Variants in DESI2 observed in about 807,000 individuals in gnomAD.
The protein encoded by DESI2 is desumoylating isopeptidase 2.
In DESI2, 10 loss-of-function variants were observed where a neutral mutation model predicts 24.1. That is an observed-to-expected ratio of 0.41 (90% CI 0.26 to 0.70). DESI2 has a LOEUF of 0.70. Ranked by LOEUF, DESI2 falls within the 30% of genes least tolerant of loss-of-function variation. DESI2 has a pLI of 0.29. For synonymous variants in DESI2, 71 were observed against 87.7 expected (o/e 0.81, Z 1.06); for missense variants, 122 against 234.9 (o/e 0.52, Z 3.14).
intron 1 of DESI2, 46 bp downstream of exon 1, chr1:244,653,401 T>C: frequency 6.5e-7 from 1 of 1,530,818 alleles, no homozygotes; most frequent in Non-Finnish European, 8.7e-7. Context: ...CAGGCCGGCT[T>C]CCTCTCGCCC....
intron 1 of DESI2, among the ~76,000 whole-genome samples, chr1:244,662,859 G>C (rs1262004663): frequency 6.6e-6 from 1 of 152,168 alleles, no homozygotes; most frequent in Non-Finnish European, 1.5e-5. Flanking sequence ...CATGCTACCT[G>C]TTAAGTAAAT....
chr1:244,682,970 A>C (rs1676672014), intron 1 of DESI2, among the ~76,000 whole-genome samples: 1 of 152,224 alleles, frequency 6.6e-6, no homozygotes, highest in Non-Finnish European at 1.5e-5. Flanking sequence ...TGGAGTAGAG[A>C]AACTGTGTTC....
chr1:244,653,252 CG>C lies in DESI2; in HGVS notation c.-60del. 2 of 1,439,774 alleles carry C rather than the reference CG, an allele frequency of 1.4e-6. No individual in the cohort carries two copies. Among genetic ancestry groups the C allele is most frequent in the Admixed American group, 5.9e-5 (2 of 33,988 alleles). The allele number at this position is 1,439,774 out of a possible 1,614,324, so 89.2% of individuals were successfully genotyped here. ...CCTGAAGCGCCCGCGGGGGTGAGAG[CG>C]GCCTCCGGCCCCGCGGAGACGGAGC... On this transcript the variant is annotated 5_prime_UTR_variant, in exon 1 of 5. Transcript: ENST00000302550.
chr1:244,688,244 T>C (rs1676890349), intron 2 of DESI2, among the ~76,000 whole-genome samples: 1 of 152,250 alleles, frequency 6.6e-6, no homozygotes, highest in Non-Finnish European at 1.5e-5. Flanking sequence ...GTACTATAAT[T>C]GAGAAAGTTA....
rs972583102 is a variant in DESI2, at chr1:244,674,626, T to C, written c.43-11971T>C. Among the ~76,000 whole-genome samples, 32 of 152,240 alleles carry C rather than the reference T, an allele frequency of 2.1e-4. 1 individual carries two copies. Among genetic ancestry groups the C allele is most frequent in the Non-Finnish European group, 7.3e-5 (5 of 68,036 alleles). ...TCATGTAATATGTGGTCTTTTGTGATTGGCTTCTTTCACCTGGCATAATGT... is the reference window on the plus strand; with the variant it reads ...TCATGTAATATGTGGTCTTTTGTGACTGGCTTCTTTCACCTGGCATAATGT... On this transcript the variant is annotated intron_variant, in intron 1 of 4. Transcript: ENST00000302550.
chr1:244,706,538 T>C lies in DESI2; in HGVS notation c.*749T>C, dbSNP rs910954378. On this transcript the variant is annotated 3_prime_UTR_variant, in exon 5 of 5. Transcript: ENST00000302550. ...TTTAGCTGGTTTTCGTTCAAGATAT[T>C]CTTGGTAGTAACTGACAAGTATGTT... The C allele has an allele frequency of 6.6e-6, 1 of 152,668 alleles. No homozygotes were observed. The highest frequency in any genetic ancestry group is 1.9e-4 in the East Asian group (1 of 5,206). 9.5% of individuals were successfully genotyped at this position (152,668 alleles called of 1,614,324 possible). A position where few individuals can be genotyped will look rare whatever the true frequency, so the allele number is the denominator to read the frequency against.
chr1:244,691,869 GTTCT>G lies in DESI2; in HGVS notation c.210-7_210-4del. The G allele has an allele frequency of 6.6e-7, 1 of 1,517,360 alleles. No homozygotes were observed. Among genetic ancestry groups the G allele is most frequent in the Non-Finnish European group, 8.8e-7 (1 of 1,141,114 alleles). 94.0% of individuals were successfully genotyped at this position (1,517,360 alleles called of 1,614,324 possible). A position where few individuals can be genotyped will look rare whatever the true frequency, so the allele number is the denominator to read the frequency against. On this transcript the variant is annotated splice_region_variant and splice_polypyrimidine_tract_variant and intron_variant, in intron 3 of 4. Transcript: ENST00000302550. ...TTTTCTTTCTCTTTTTTTTCTTTTTGTTCTTTAAGAGAAGCTGTTGTTTTAGGGA... is the reference window on the plus strand; with the variant it reads ...TTTTCTTTCTCTTTTTTTTCTTTTTGTTAAGAGAAGCTGTTGTTTTAGGGA...
At chr1:244,663,181 A>G (rs1345948504) in intron 1 of DESI2, among the ~76,000 whole-genome samples, 1 of 151,580 alleles carries the variant, frequency 6.6e-6, no homozygotes, top group Non-Finnish European at 1.5e-5. Context: ...TTTAACTTGC[A>G]GTTTTTTTTT....
At chr1:244,703,850 G>A (rs1203625446) in intron 4 of DESI2, among the ~76,000 whole-genome samples, 2 of 151,996 alleles carry the variant, frequency 1.3e-5, no homozygotes, top group Non-Finnish European at 2.9e-5. Context: ...AGTAGAGATG[G>A]GGTTTCACTG....
At chr1:244,683,368 G>A (rs1368725774) in intron 1 of DESI2, among the ~76,000 whole-genome samples, 2 of 151,962 alleles carry the variant, frequency 1.3e-5, no homozygotes, top group East Asian at 3.9e-4. Flanking sequence ...CTGGAGTGCA[G>A]TGGCGTGATC....
intron 1 of DESI2, among the ~76,000 whole-genome samples, chr1:244,661,720 C>G (rs909582767): frequency 1.3e-5 from 2 of 152,138 alleles, no homozygotes; most frequent in African/African-American, 2.4e-5. Context: ...TCATCCATGT[C>G]CCTACAAAGG....
At chr1:244,700,382 A>ACTG (rs1443033898) in intron 4 of DESI2, among the ~76,000 whole-genome samples, 1 of 151,990 alleles carries the variant, frequency 6.6e-6, no homozygotes, top group Non-Finnish European at 1.5e-5. Context: ...CAGTGTAATG[A>ACTG]CTGTTTTTGT....
At chr1:244,694,847 G>T (rs1449656185) in intron 4 of DESI2, 18 of 505,274 alleles carry the variant, frequency 3.6e-5, no homozygotes, top group Non-Finnish European at 5.6e-5. Flanking sequence ...CTGCAGCAAA[G>T]ATTTATGGCC....
intron 1 of DESI2, among the ~76,000 whole-genome samples, chr1:244,661,038 CACATA>C (rs1200820990): frequency 6.6e-6 from 1 of 152,154 alleles, no homozygotes; most frequent in South Asian, 2.1e-4. Context: ...TGTTAAAATA[CACATA>C]ACATAAAATT....
At chr1:244,692,059 A>G (rs752611379) in intron 4 of DESI2, 39 bp downstream of exon 4, 3 of 1,526,842 alleles carry the variant, frequency 2.0e-6, no homozygotes, top group African/African-American at 2.8e-5. Flanking sequence ...TCAAATAAAT[A>G]TTTGCTATCC....
Position 244,653,778 on chromosome 1 carries a change from G to A in DESI2, c.42+423G>A, listed in dbSNP as rs2148774777. ...CTCCTCTGCTTCTGCCGAACTGTCC[G>A]TCTCTCTCCATGGCTACGTCTTCAG... On this transcript the variant is annotated intron_variant, in intron 1 of 4. Transcript: ENST00000302550. 5.7e-6 allele frequency: 2 copies of A among 350,496 alleles called. 1 individual carries two copies. The highest frequency in any genetic ancestry group is 4.5e-5 in the South Asian group (2 of 43,988). The allele number at this position is 350,496 out of a possible 1,614,324, so 21.7% of individuals were successfully genotyped here. A position where few individuals can be genotyped will look rare whatever the true frequency, so the allele number is the denominator to read the frequency against.
rs1677767578 is a variant in DESI2, at chr1:244,707,747, G to GTGA, written c.*1959_*1961dup. 1 of 152,216 alleles carries GTGA rather than the reference G, an allele frequency of 6.6e-6. No individual in the cohort carries two copies. Among genetic ancestry groups the GTGA allele is most frequent in the Admixed American group, 6.5e-5 (1 of 15,276 alleles). 9.4% of individuals were successfully genotyped at this position (152,216 alleles called of 1,614,324 possible). On this transcript the variant is annotated 3_prime_UTR_variant, in exon 5 of 5. Transcript: ENST00000302550. Reference sequence around the variant, plus strand: ...GTAGCCATTAGTTAGACTCTTCTTAGTGAATATCAGGAACATCCCATCTGT... The same window carrying GTGA: ...GTAGCCATTAGTTAGACTCTTCTTAGTGATGAATATCAGGAACATCCCATCTGT...
intron 4 of DESI2, among the ~76,000 whole-genome samples, chr1:244,704,676 T>TGTGA (rs1167148787): frequency 2.0e-5 from 3 of 152,060 alleles, no homozygotes; most frequent in African/African-American, 7.3e-5. Context: ...TGTGTGTGTG[T>TGTGA]GAGACGGAGT....
rs1677677298 is a variant in DESI2, at chr1:244,705,849, G to C, written c.*60G>C. 1.6e-6 allele frequency: 2 copies of C among 1,231,890 alleles called. No individual in the cohort carries two copies. The highest frequency in any genetic ancestry group is 1.5e-5 in the African/African-American group (1 of 66,790). 76.3% of individuals were successfully genotyped at this position (1,231,890 alleles called of 1,614,324 possible). On this transcript the variant is annotated 3_prime_UTR_variant, in exon 5 of 5. Transcript: ENST00000302550. ...GGCAGTCGAATATCACTAGAGAAAA[G>C]TAAACAGAGAAGCATCCTTTAGATA...
Sources: gnomAD v4.1 joint callset for allele counts (sites outside exome capture counted in the v4.1 genomes callset) on GRCh38, gnomAD v4.1.1 for gene constraint, MANE v1.5 for transcripts, NCBI Gene and HGNC (gene_info 2026-07-23, HGNC 2026-07-21) for gene names.